Variants in RARB observed in about 807,000 individuals in gnomAD.
RARB encodes retinoic acid receptor beta.
A neutral mutation model predicts 51.9 loss-of-function variants in RARB; 17 were observed. That is an observed-to-expected ratio of 0.33 (90% CI 0.22 to 0.49). The LOEUF (loss-of-function observed/expected upper bound fraction) is 0.49, where lower values mean the gene tolerates loss of function less well. Among genes scored for constraint, RARB ranks in the 20% least tolerant of loss-of-function variants. The pLI, the probability that RARB is intolerant of heterozygous loss-of-function variation, is 0.99. For missense variants in RARB, 369 were observed against 550.8 expected (o/e 0.67, Z 3.30); for synonymous variants, 215 against 195.4 (o/e 1.10, Z -0.84).
chr3:25,005,907 C>G (rs972590607), intron 2 of RARB, among the ~76,000 whole-genome samples: 3 of 152,004 alleles, frequency 2.0e-5, no homozygotes, highest in Admixed American at 1.3e-4. Flanking sequence ...TTATGCAGCC[C>G]CATTATTACC....
rs1559366440 is a variant in RARB, at chr3:24,832,628, A to ATATATATATATATATATATATAT, written c.-459+3225_-459+3226insTATATATATATATATATATATAT. On this transcript the variant is annotated intron_variant, in intron 1 of 11. Coordinates refer to the RARB transcript ENST00000383772. The stretch of plus-strand genomic sequence containing the variant: ...CTGTATTTAGAAAAAATTGAGTCCC[A>ATATATATATATATATATATATAT]ATATATATATATATATATATATAAT... Among the ~76,000 whole-genome samples, 380 of 88,370 alleles carry ATATATATATATATATATATATAT rather than the reference A, an allele frequency of 4.3e-3. 8 individuals carry two copies. The highest frequency in any genetic ancestry group is 6.7e-3 in the South Asian group (15 of 2,238). 58.0% of individuals were successfully genotyped at this position (88,370 alleles called of 152,430 possible). A position where few individuals can be genotyped will look rare whatever the true frequency, so the allele number is the denominator to read the frequency against.
At chr3:25,330,203 C>A (rs971374749) in intron 5 of RARB, among the ~76,000 whole-genome samples, 1 of 151,892 alleles carries the variant, frequency 6.6e-6, no homozygotes, top group African/African-American at 2.4e-5. Context: ...AACCCCAAGA[C>A]ACATAATTGT....
In RARB at chr3:25,417,647, C is replaced by G. The variant is rs530308609; in HGVS notation, c.179-43546C>G. Among the ~76,000 whole-genome samples the G allele has an allele frequency of 1.4e-3, 208 of 152,314 alleles. 1 individual carries two copies. Among genetic ancestry groups the G allele is most frequent in the African/African-American group, 4.2e-3 (176 of 41,562 alleles). On this transcript the variant is annotated intron_variant, in intron 5 of 11. Coordinates refer to the RARB transcript ENST00000383772. ...ATGGAACTGTGAGTCCGTTAAATCTCTCTCTTTTGTAAATTGCCCAGTCTC... is the reference window on the plus strand; with the variant it reads ...ATGGAACTGTGAGTCCGTTAAATCTGTCTCTTTTGTAAATTGCCCAGTCTC...
At chr3:24,948,560 G>T (rs932044995) in intron 2 of RARB, among the ~76,000 whole-genome samples, 5 of 152,190 alleles carry the variant, frequency 3.3e-5, no homozygotes, top group African/African-American at 1.2e-4. Flanking sequence ...TGTTGTGATT[G>T]AGTGTTATTT....
intron 2 of RARB, among the ~76,000 whole-genome samples, chr3:25,483,502 C>T (rs901941201): frequency 4.1e-5 from 6 of 145,170 alleles, no homozygotes; most frequent in African/African-American, 1.5e-4. Context: ...ATCAGAAAGT[C>T]ATAAATTTTA....
chr3:25,358,001 G>A (rs767975153), intron 5 of RARB, among the ~76,000 whole-genome samples: 1 of 152,054 alleles, frequency 6.6e-6, no homozygotes, highest in Non-Finnish European at 1.5e-5. Flanking sequence ...GCTCCTTTTT[G>A]GTTCCAAATG....
At chr3:25,200,562 T>A (rs909532411) in intron 5 of RARB, among the ~76,000 whole-genome samples, 1 of 152,338 alleles carries the variant, frequency 6.6e-6, no homozygotes, top group Admixed American at 6.5e-5. Context: ...CTTCTAGGGT[T>A]TTTATGGTTT....
intron 2 of RARB, among the ~76,000 whole-genome samples, chr3:24,956,957 T>TA (rs1696029994): frequency 1.3e-5 from 2 of 152,214 alleles, no homozygotes; most frequent in Non-Finnish European, 2.9e-5. Context: ...CCCTCTGAGT[T>TA]ACGGAGTCGA....
intron 3 of RARB, among the ~76,000 whole-genome samples, chr3:25,072,064 G>T (rs11715684): frequency 6.6e-6 from 1 of 152,122 alleles, no homozygotes; most frequent in Non-Finnish European, 1.5e-5. Context: ...TTATCTTGAA[G>T]GATTCTCGTT....
At chr3:25,155,137 A>G (rs1575185440) in intron 4 of RARB, among the ~76,000 whole-genome samples, 2 of 152,156 alleles carry the variant, frequency 1.3e-5, no homozygotes, top group Admixed American at 1.3e-4. Context: ...CTAAAATGAA[A>G]TATTGCTTCC....
Position 25,563,248 on chromosome 3 carries a change from A to G in RARB, c.449-6510A>G, listed in dbSNP as rs753355440. On this transcript the variant is annotated intron_variant, in intron 3 of 7. Coordinates refer to ENST00000330688, the MANE Select transcript of RARB (RefSeq NM_000965.5). ...GCAGTCCTCTTAGGATTCCATTTTG[A>G]CCTCCATTTTACAAACCCTGAAATC... Among the ~76,000 whole-genome samples the G allele has an allele frequency of 1.1e-4, 16 of 152,070 alleles. 1 individual carries two copies. The South Asian group carries it at 3.1e-3, about 30-fold the overall frequency.
chr3:25,021,843 A>G (rs1424428767), intron 2 of RARB, among the ~76,000 whole-genome samples: 1 of 152,212 alleles, frequency 6.6e-6, no homozygotes, highest in African/African-American at 2.4e-5. Context: ...GAGTTTTAAC[A>G]CATAGGTCCT....
intron 2 of RARB, among the ~76,000 whole-genome samples, chr3:24,899,697 G>A (rs1703557167): frequency 6.6e-6 from 1 of 152,126 alleles, no homozygotes; most frequent in Non-Finnish European, 1.5e-5. Flanking sequence ...AGCCTTCAAT[G>A]AAAGTGAAAT....
At chr3:24,996,254 T>C (rs1335291863) in intron 2 of RARB, among the ~76,000 whole-genome samples, 1 of 152,064 alleles carries the variant, frequency 6.6e-6, no homozygotes, top group African/African-American at 2.4e-5. Flanking sequence ...TATAGTTGTT[T>C]ATAGTAATCT....
At chr3:25,529,886 A>T (rs1415199183) in intron 3 of RARB, among the ~76,000 whole-genome samples, 1 of 152,198 alleles carries the variant, frequency 6.6e-6, no homozygotes, top group Non-Finnish European at 1.5e-5. Context: ...CAGCTACGCA[A>T]GGTACTCAAA....
chr3:25,173,869 T>G (rs547586552), intron 4 of RARB, among the ~76,000 whole-genome samples: 2 of 152,302 alleles, frequency 1.3e-5, no homozygotes, highest in African/African-American at 4.8e-5. Flanking sequence ...CAGAGTGATA[T>G]AGTCAAATAA....
intron 4 of RARB, among the ~76,000 whole-genome samples, chr3:25,157,152 G>A (rs1381904487): frequency 2.0e-5 from 3 of 152,124 alleles, no homozygotes; most frequent in Non-Finnish European, 4.4e-5. Flanking sequence ...GAAACAATAA[G>A]GTATCTGTTC....
chr3:25,389,833 G>A (rs892774518), intron 5 of RARB, among the ~76,000 whole-genome samples: 2 of 152,160 alleles, frequency 1.3e-5, no homozygotes, highest in Admixed American at 6.5e-5. Context: ...TGGGGCACAA[G>A]GGAAAAGAGC....
intron 6 of RARB, among the ~76,000 whole-genome samples, 182 bp from the exon 7 acceptor site, chr3:25,594,338 G>C (rs1701728509): frequency 6.6e-6 from 1 of 152,044 alleles, no homozygotes; most frequent in African/African-American, 2.4e-5. Flanking sequence ...CTACCAAGGG[G>C]GGGCAGTTTT....
Sources: gnomAD v4.1 joint callset for allele counts (sites outside exome capture counted in the v4.1 genomes callset) on GRCh38, gnomAD v4.1.1 for gene constraint, MANE v1.5 for transcripts, NCBI Gene and HGNC (gene_info 2026-07-23, HGNC 2026-07-21) for gene names.